Variants in GPHN observed in about 807,000 individuals in gnomAD.
The protein encoded by GPHN is gephyrin.
Under a neutral mutation model 95.5 loss-of-function variants are expected in GPHN, and 17 were observed. The observed-to-expected ratio is 0.18, with a 90% confidence interval of 0.12 to 0.27. The LOEUF (loss-of-function observed/expected upper bound fraction) is 0.27, where lower values mean the gene tolerates loss of function less well. Among genes scored for constraint, GPHN ranks in the 10% least tolerant of loss-of-function variants. The probability of loss-of-function intolerance (pLI) is 1.00; values close to 1 mark genes in which losing one functional copy is unlikely to be tolerated. For missense variants in GPHN, 660 were observed against 978.1 expected (o/e 0.67, Z 4.34); for synonymous variants, 320 against 322.5 (o/e 0.99, Z 0.08).
chr14:67,605,773 C>T, the GPHN span, among the ~76,000 whole-genome samples: 3 of 152,022 alleles, frequency 2.0e-5, no homozygotes, highest in Non-Finnish European at 1.5e-5. Context: ...ACCTCTGCCT[C>T]CTGGGATCAA....
the GPHN span, among the ~76,000 whole-genome samples, chr14:67,560,821 C>T: frequency 6.7e-6 from 1 of 150,348 alleles, no homozygotes; most frequent in Non-Finnish European, 1.5e-5. Flanking sequence ...ACCTCTGCCT[C>T]CTGGGTTCAA....
chr14:67,038,652 T>G (rs964785132), intron 10 of GPHN, among the ~76,000 whole-genome samples: 1 of 152,152 alleles, frequency 6.6e-6, no homozygotes, highest in Non-Finnish European at 1.5e-5. Context: ...CTTTCTATTT[T>G]AAGCCTGACT....
the GPHN span, chr14:67,303,496 A>G: frequency 6.4e-7 from 1 of 1,570,016 alleles, no homozygotes; most frequent in Non-Finnish European, 8.8e-7. Flanking sequence ...GCAAATTTAA[A>G]AAATAACCTG....
chr14:66,736,071 A>T (rs2072236151), intron 2 of GPHN, among the ~76,000 whole-genome samples: 1 of 152,208 alleles, frequency 6.6e-6, no homozygotes, highest in Non-Finnish European at 1.5e-5. Flanking sequence ...CAACTTAAGA[A>T]AGTTAGTTGG....
chr14:67,122,158 C>A, intron 16 of GPHN, 98 bp from the exon 17 acceptor site: 1 of 1,135,460 alleles, frequency 8.8e-7, no homozygotes, highest in Non-Finnish European at 1.3e-6. Flanking sequence ...ATTGTAGGTG[C>A]TAGATATGCT....
the GPHN span, among the ~76,000 whole-genome samples, chr14:67,378,637 A>T: frequency 6.6e-6 from 1 of 152,166 alleles, no homozygotes; most frequent in African/African-American, 2.4e-5. Flanking sequence ...AACTGTCATC[A>T]TCTGGCTTCT....
At chr14:66,745,758 G>C (rs893600420) in intron 2 of GPHN, among the ~76,000 whole-genome samples, 7 of 151,830 alleles carry the variant, frequency 4.6e-5, no homozygotes, top group Non-Finnish European at 1.0e-4. Flanking sequence ...TATGTATAAT[G>C]AGTGTTCATG....
At chr14:66,813,480 A>C (rs911823179) in intron 3 of GPHN, among the ~76,000 whole-genome samples, 2 of 152,240 alleles carry the variant, frequency 1.3e-5, no homozygotes, top group African/African-American at 4.8e-5. Context: ...CAACAGCTCC[A>C]GGAGCATGGG....
the GPHN span, among the ~76,000 whole-genome samples, chr14:67,432,303 T>C: frequency 6.6e-6 from 1 of 152,244 alleles, no homozygotes; most frequent in Non-Finnish European, 1.5e-5. Flanking sequence ...ATTTAGACCC[T>C]GGTGGTCAGA....
the GPHN span, among the ~76,000 whole-genome samples, chr14:67,439,547 TTCTTTCTTTCTTTC>T: frequency 2.9e-3 from 174 of 60,278 alleles, no homozygotes; most frequent in Admixed American, 0.011. Flanking sequence ...CTTTCTTTCT[TTCTTTCTTTCTTTC>T]TTTCTTTCTT....
intron 2 of GPHN, among the ~76,000 whole-genome samples, chr14:66,739,520 C>CT (rs556885727): frequency 0.48 from 64,669 of 135,146 alleles, 16,752 homozygotes; most frequent in African/African-American, 0.71. Context: ...CCGGCCCCTG[C>CT]TTTTTTTTTT....
chr14:66,555,455 T>C lies in GPHN; in HGVS notation c.64+46864T>C, dbSNP rs183302166. Among the ~76,000 whole-genome samples the C allele has an allele frequency of 2.0e-5, 3 of 152,236 alleles. No homozygotes were observed. In the East Asian group the frequency reaches 5.8e-4, roughly 29 times the overall value. On this transcript the variant is annotated intron_variant, in intron 1 of 22. Coordinates refer to ENST00000478722, the MANE Select transcript of GPHN (RefSeq NM_020806.5). The stretch of plus-strand genomic sequence containing the variant: ...TGGCGTATGGTAGGTGCTTAATAAA[T>C]ATTTGTTGAATGAGTTAATGAATGT...
intron 10 of GPHN, among the ~76,000 whole-genome samples, chr14:67,048,162 G>T (rs1235839228): frequency 6.6e-6 from 1 of 152,130 alleles, no homozygotes; most frequent in Non-Finnish European, 1.5e-5. Context: ...GTGACCCTTT[G>T]GAGGCTTTCT....
chr14:67,221,960 C>G, the GPHN span: 1 of 915,330 alleles, frequency 1.1e-6, no homozygotes. Flanking sequence ...TTCTGAGAAT[C>G]CTATACTGAA....
chr14:66,693,038 T>A (rs1377274448), intron 2 of GPHN, among the ~76,000 whole-genome samples: 1 of 151,910 alleles, frequency 6.6e-6, no homozygotes, highest in Non-Finnish European at 1.5e-5. Flanking sequence ...TCACATAAAA[T>A]ATAAATAAGC....
intron 1 of GPHN, among the ~76,000 whole-genome samples, chr14:66,561,593 T>C (rs1319566858): frequency 6.6e-6 from 1 of 152,154 alleles, no homozygotes; most frequent in Non-Finnish European, 1.5e-5. Flanking sequence ...TACACAAATA[T>C]TTAGCTATTG....
chr14:66,544,742 G>A (rs570161938), intron 1 of GPHN, among the ~76,000 whole-genome samples: 20 of 152,118 alleles, frequency 1.3e-4, no homozygotes, highest in African/African-American at 3.1e-4. Flanking sequence ...GTGGCCTTCC[G>A]CAGTGTTTGT....
the GPHN span, among the ~76,000 whole-genome samples, chr14:67,521,978 C>G: frequency 1.3e-5 from 2 of 152,044 alleles, no homozygotes; most frequent in African/African-American, 4.8e-5. Flanking sequence ...AGTTCAATAT[C>G]AGCCTGACTA....
chr14:67,521,850 G>C, the GPHN span, among the ~76,000 whole-genome samples: 5 of 152,156 alleles, frequency 3.3e-5, no homozygotes. Context: ...AACTGTGATC[G>C]TAAGTCTTTT....
Sources: allele counts gnomAD v4.1 joint callset (sites outside exome capture counted in the v4.1 genomes callset), GRCh38; gene constraint gnomAD v4.1.1; transcripts MANE v1.5; gene names NCBI Gene and HGNC (gene_info 2026-07-23, HGNC 2026-07-21).